The following NSUN7 variants were observed in gnomAD, a reference collection of about 807,000 sequenced individuals.
NSUN7 encodes the protein NOP2/Sun RNA methyltransferase family member 7.
A neutral mutation model predicts 58.5 loss-of-function variants in NSUN7; 39 were observed. That is an observed-to-expected ratio of 0.67 (90% CI 0.52 to 0.87). The LOEUF is 0.87. Among genes scored for constraint, NSUN7 ranks in the 40% least tolerant of loss-of-function variants. The pLI, the probability that NSUN7 is intolerant of heterozygous loss-of-function variation, is 0.00. For synonymous variants in NSUN7, 278 were observed against 303.7 expected (o/e 0.92, Z 0.88); for missense variants, 765 against 844.1 (o/e 0.91, Z 1.16).
chr4:40,786,279 T>A, intron 7 of NSUN7: 1 of 1,613,684 alleles, frequency 6.2e-7, no homozygotes, highest in South Asian at 1.1e-5. Context: ...GATTTAACAC[T>A]GAGAAAATTA....
Position 40,790,599 on chromosome 4 carries a change from C to G in NSUN7, c.1037-3C>G, listed in dbSNP as rs1371733630. The G allele has an allele frequency of 6.6e-7, 1 of 1,510,852 alleles. No individual in the cohort carries two copies. 93.6% of individuals were successfully genotyped at this position (1,510,852 alleles called of 1,614,324 possible). A position where few individuals can be genotyped will look rare whatever the true frequency, so the allele number is the denominator to read the frequency against. ...CATTAAATTTTCTGTGTTTTTTCCC[C>G]AGATATTGAAATACTTCATGAGAAA... On this transcript the variant is annotated splice_polypyrimidine_tract_variant and splice_region_variant and intron_variant, in intron 7 of 11. Transcript: ENST00000381782.
At chr4:40,770,862 C>G (rs1741970936) in intron 4 of NSUN7, among the ~76,000 whole-genome samples, 1 of 152,014 alleles carries the variant, frequency 6.6e-6, no homozygotes, top group Non-Finnish European at 1.5e-5. Context: ...ACCATCTTGG[C>G]CAACATAGTG....
chr4:40,758,806 G>A (rs1577542867), intron 2 of NSUN7, among the ~76,000 whole-genome samples: 1 of 152,010 alleles, frequency 6.6e-6, no homozygotes, highest in South Asian at 2.1e-4. Flanking sequence ...GGTTGCTTGA[G>A]CCCAGGAGGT....
At chr4:40,759,497 A>T (rs1159296934) in intron 2 of NSUN7, among the ~76,000 whole-genome samples, 1 of 152,178 alleles carries the variant, frequency 6.6e-6, no homozygotes, top group Admixed American at 6.6e-5. Context: ...AGATATGCAC[A>T]TGGCTAACTC....
At chr4:40,755,003 A>G (rs1340603102) in intron 2 of NSUN7, among the ~76,000 whole-genome samples, 1 of 152,206 alleles carries the variant, frequency 6.6e-6, no homozygotes, top group African/African-American at 2.4e-5. Context: ...CCCAAGGTCA[A>G]TTTTCTGCTA....
At chr4:40,760,538 A>T (rs778321816) in intron 3 of NSUN7, 46 bp downstream of exon 3, 67 of 1,463,396 alleles carry the variant, frequency 4.6e-5, no homozygotes, top group Admixed American at 1.1e-4. Flanking sequence ...GATTTTTTTT[A>T]AAAAAGAAAG....
intron 8 of NSUN7, among the ~76,000 whole-genome samples, chr4:40,792,479 CGGTG>C (rs1743116539): frequency 6.6e-6 from 1 of 152,114 alleles, no homozygotes; most frequent in Non-Finnish European, 1.5e-5. Flanking sequence ...TGGCCGGGAG[CGGTG>C]GCTCACGCCT....
In NSUN7 at chr4:40,798,785, A is replaced by C. The variant is rs1297464802; in HGVS notation, c.1283-2A>C. On this transcript the variant is annotated splice_acceptor_variant, in intron 9 of 11. Coordinates refer to ENST00000381782, the MANE Select transcript of NSUN7 (RefSeq NM_024677.6). LOFTEE classifies it high-confidence loss of function. ...CAGTCATTGCATCTTCTTCTAATAT[A>C]GTTACTAAAGCTCAAGCAGTTGTTT... is the stretch of plus-strand genomic sequence containing the variant. 6 of 1,545,620 alleles carry C rather than the reference A, an allele frequency of 3.9e-6. No homozygotes were observed. The Admixed American group carries it at 5.1e-5, about 13-fold the overall frequency.
Position 40,750,286 on chromosome 4 carries a change from C to G in NSUN7, c.-106C>G, listed in dbSNP as rs1022919189. On this transcript the variant is annotated 5_prime_UTR_variant, in exon 1 of 12. Transcript: ENST00000381782. ...GTCTTCGTCCCCGAAGCCCCGGGAA[C>G]CATCCGCCCTCGGGGTAAGGGAGGA... 6 of 164,910 alleles carry G rather than the reference C, an allele frequency of 3.6e-5. No individual in the cohort carries two copies. Among genetic ancestry groups the G allele is most frequent in the African/African-American group, 1.4e-4 (6 of 41,698 alleles). The allele number at this position is 164,910 out of a possible 1,614,324, so 10.2% of individuals were successfully genotyped here.
chr4:40,771,197 G>C (rs1214757741), intron 4 of NSUN7, among the ~76,000 whole-genome samples: 1 of 152,178 alleles, frequency 6.6e-6, no homozygotes, highest in Non-Finnish European at 1.5e-5. Context: ...ATGTAGCGAT[G>C]CTTCTGCTAA....
chr4:40,762,033 A>T (rs910320823), intron 4 of NSUN7, among the ~76,000 whole-genome samples: 1 of 152,204 alleles, frequency 6.6e-6, no homozygotes, highest in Admixed American at 6.5e-5. Flanking sequence ...TTTCACCCTC[A>T]TGAATAGATT....
intron 10 of NSUN7, among the ~76,000 whole-genome samples, chr4:40,805,750 T>C (rs1349894617): frequency 6.6e-6 from 1 of 152,180 alleles, no homozygotes; most frequent in Non-Finnish European, 1.5e-5. Context: ...GGGCCTGTGC[T>C]GGAGAGGCCT....
At chr4:40,786,245 T>G (rs1742816132) in intron 7 of NSUN7, 5 of 1,613,998 alleles carry the variant, frequency 3.1e-6, no homozygotes, top group Non-Finnish European at 4.2e-6. Flanking sequence ...TTCAATGAAT[T>G]TGTAAATACC....
In NSUN7 at chr4:40,808,436, T is replaced by C; in HGVS notation, c.1654T>C (p.Leu552=). Residue 552 remains leucine, a synonymous_variant, in exon 12 of 12, where the codon TTG becomes CTG. Coordinates refer to ENST00000381782, the MANE Select transcript of NSUN7 (RefSeq NM_024677.6). ...GAAGAAGAAAAAATCAAAAACATCA[T>C]TGACAAAAGGTGCCACTACTGATAA... ...EKKKKKSKTS[L]TKGATTDNGI... The C allele has an allele frequency of 6.2e-7, 1 of 1,609,978 alleles. No individual in the cohort carries two copies. Among genetic ancestry groups the C allele is most frequent in the South Asian group, 1.1e-5 (1 of 90,564 alleles).
intron 7 of NSUN7, among the ~76,000 whole-genome samples, chr4:40,777,144 A>G (rs758429868): frequency 6.6e-6 from 1 of 152,132 alleles, no homozygotes; most frequent in Non-Finnish European, 1.5e-5. Context: ...CATCTTGGAT[A>G]GTGATCAGTC....
At chr4:40,795,631 T>C (rs1743291189) in intron 9 of NSUN7, among the ~76,000 whole-genome samples, 1 of 152,188 alleles carries the variant, frequency 6.6e-6, no homozygotes, top group Admixed American at 6.5e-5. Context: ...CTGGAAGACA[T>C]ACTGTAAGTC....
intron 11 of NSUN7, 25 bp downstream of exon 11, chr4:40,807,209 T>C: frequency 1.3e-6 from 2 of 1,535,308 alleles, no homozygotes; most frequent in Non-Finnish European, 1.8e-6. Flanking sequence ...TCCTAATCCA[T>C]GTCATACTTT....
Position 40,809,003 on chromosome 4 carries a change from C to A in NSUN7, c.*64C>A. 2 of 1,408,768 alleles carry A rather than the reference C, an allele frequency of 1.4e-6. No homozygotes were observed. Among genetic ancestry groups the A allele is most frequent in the South Asian group, 1.5e-5 (1 of 66,588 alleles). 87.3% of individuals were successfully genotyped at this position (1,408,768 alleles called of 1,614,324 possible). On this transcript the variant is annotated 3_prime_UTR_variant, in exon 12 of 12. Coordinates refer to ENST00000381782, the MANE Select transcript of NSUN7 (RefSeq NM_024677.6). ...TTTTTTTTCAAAGTCTAGTATTTCT[C>A]TGAAGATTCTACATCTCTACACAAG...
At chr4:40,798,264 G>C (rs930183204) in intron 9 of NSUN7, among the ~76,000 whole-genome samples, 5 of 152,230 alleles carry the variant, frequency 3.3e-5, no homozygotes, top group African/African-American at 1.2e-4. Flanking sequence ...GCCTAGAACA[G>C]TGCCTGTCTG....
Sources: allele counts gnomAD v4.1 joint callset (sites outside exome capture counted in the v4.1 genomes callset), GRCh38; gene constraint gnomAD v4.1.1; transcripts MANE v1.5; gene names NCBI Gene and HGNC (gene_info 2026-07-23, HGNC 2026-07-21).